FGGY: variants seen among roughly 807,000 people sequenced by gnomAD.
FGGY encodes FGGY carbohydrate kinase domain-containing protein.
A neutral mutation model predicts 71.3 loss-of-function variants in FGGY; 72 were observed. That is an observed-to-expected ratio of 1.01 (90% CI 0.84 to 1.23). The LOEUF (loss-of-function observed/expected upper bound fraction) is 1.23. Among genes scored for constraint, FGGY ranks in the 50% most tolerant of loss-of-function variants. FGGY has a pLI of 0.00. For synonymous variants in FGGY, 251 were observed against 250.3 expected, an observed-to-expected ratio of 1.00 and a Z score of -0.02; for missense variants, 668 against 682.3, an observed-to-expected ratio of 0.98 and a Z score of 0.23.
At chr1:59,401,740 A>G (rs1473022041) in intron 5 of FGGY, among the ~76,000 whole-genome samples, 3 of 152,240 alleles carry the variant, frequency 2.0e-5, no homozygotes, top group African/African-American at 7.2e-5. Context: ...AATTCCCTCA[A>G]GGAATTGATT....
chr1:59,461,640 G>A (rs1260086046), intron 6 of FGGY, among the ~76,000 whole-genome samples: 8 of 151,974 alleles, frequency 5.3e-5, no homozygotes, highest in African/African-American at 1.7e-4. Context: ...TTGAAATGAA[G>A]GAAAAAATGT....
At chr1:59,323,311 G>T (rs2046743366) in intron 2 of FGGY, among the ~76,000 whole-genome samples, 1 of 152,180 alleles carries the variant, frequency 6.6e-6, no homozygotes, top group Non-Finnish European at 1.5e-5. Flanking sequence ...TCATCTCCCA[G>T]TGGTGGCCAA....
intron 11 of FGGY, among the ~76,000 whole-genome samples, chr1:59,653,449 C>G (rs1301560056): frequency 6.6e-6 from 1 of 152,186 alleles, no homozygotes; most frequent in Non-Finnish European, 1.5e-5. Flanking sequence ...GGGATATAGT[C>G]TCGTGGTTCG....
intron 7 of FGGY, among the ~76,000 whole-genome samples, chr1:59,522,967 T>G (rs1389124979): frequency 6.6e-6 from 1 of 152,220 alleles, no homozygotes; most frequent in Non-Finnish European, 1.5e-5. Context: ...GAACTGTATC[T>G]GGTATTCTGG....
At chr1:59,498,225 A>G (rs2094109267) in intron 6 of FGGY, among the ~76,000 whole-genome samples, 2 of 150,844 alleles carry the variant, frequency 1.3e-5, no homozygotes, top group South Asian at 4.1e-4. Context: ...GTATTTTACA[A>G]ATGAGGAGAA....
chr1:59,404,174 TG>T (rs1236325894), intron 5 of FGGY, among the ~76,000 whole-genome samples: 1 of 151,816 alleles, frequency 6.6e-6, no homozygotes, highest in East Asian at 1.9e-4. Context: ...AATATACCTT[TG>T]GGAGGGGAAC....
chr1:59,385,121 T>G (rs1321470386), intron 5 of FGGY, among the ~76,000 whole-genome samples: 2 of 152,168 alleles, frequency 1.3e-5, no homozygotes, highest in Non-Finnish European at 2.9e-5. Context: ...GCAATGACAG[T>G]GTGTAAGAAC....
At chr1:59,505,476 C>G (rs1280803798) in intron 6 of FGGY, among the ~76,000 whole-genome samples, 1 of 152,178 alleles carries the variant, frequency 6.6e-6, no homozygotes, top group Non-Finnish European at 1.5e-5. Context: ...ACTCTCCCAG[C>G]CAATCTGATT....
chr1:59,444,997 A>G (rs2070887389), intron 5 of FGGY, among the ~76,000 whole-genome samples: 1 of 152,066 alleles, frequency 6.6e-6, no homozygotes, highest in African/African-American at 2.4e-5. Flanking sequence ...ATATTTCTTC[A>G]TTATACTTAC....
chr1:59,669,123 C>T (rs2097352498), intron 13 of FGGY, among the ~76,000 whole-genome samples: 1 of 152,146 alleles, frequency 6.6e-6, no homozygotes, highest in South Asian at 2.1e-4. Context: ...CTTAATCCTC[C>T]CATACCACCA....
chr1:59,535,392 A>T (rs1465163483), intron 7 of FGGY, among the ~76,000 whole-genome samples: 1 of 152,194 alleles, frequency 6.6e-6, no homozygotes, highest in Non-Finnish European at 1.5e-5. Flanking sequence ...GGGAGACTTT[A>T]ACACCTCACT....
intron 3 of FGGY, among the ~76,000 whole-genome samples, chr1:59,343,310 ATTCTC>A (rs1165785031): frequency 6.6e-6 from 1 of 152,126 alleles, no homozygotes; most frequent in Non-Finnish European, 1.5e-5. Flanking sequence ...TTTACCTCCA[ATTCTC>A]TTAAACGACA....
intron 14 of FGGY, among the ~76,000 whole-genome samples, chr1:59,721,499 C>T (rs1421281341): frequency 2.0e-5 from 3 of 151,874 alleles, no homozygotes; most frequent in South Asian, 2.1e-4. Flanking sequence ...CCACCACACC[C>T]GGCTAATTTT....
chr1:59,653,744 G>T (rs1377367391), intron 11 of FGGY, among the ~76,000 whole-genome samples: 1 of 152,204 alleles, frequency 6.6e-6, no homozygotes, highest in Admixed American at 6.5e-5. Flanking sequence ...CTGTAGACTG[G>T]AGCTGTTCCT....
At position 59,494,496 on chromosome 1, in the gene FGGY, A is replaced by G. The variant is rs11207461; in HGVS notation, c.671-17815A>G. Among the ~76,000 whole-genome samples the G allele has an allele frequency of 3.2e-3, 491 of 152,318 alleles. 12 individuals carry two copies. In the East Asian group the frequency reaches 0.049, roughly 15 times the overall value. ...GAAGGGGAAGGACAAGTGATGGGGT[A>G]AGAGGTGTAAAAAATGCAGAACCTT... On this transcript the variant is annotated intron_variant, in intron 6 of 15. Transcript: ENST00000303721.
intron 2 of FGGY, among the ~76,000 whole-genome samples, chr1:59,338,813 C>T (rs959715433): frequency 2.6e-5 from 4 of 152,116 alleles, no homozygotes; most frequent in African/African-American, 7.2e-5. Context: ...CTTACTTTTG[C>T]TAATAAGATA....
chr1:59,530,551 T>C (rs1284842239), intron 7 of FGGY, among the ~76,000 whole-genome samples: 1 of 152,228 alleles, frequency 6.6e-6, no homozygotes, highest in Non-Finnish European at 1.5e-5. Flanking sequence ...AACCTCACTT[T>C]ACCTGAGCAA....
chr1:59,439,061 T>C (rs2069164227), intron 5 of FGGY, among the ~76,000 whole-genome samples: 1 of 152,210 alleles, frequency 6.6e-6, no homozygotes, highest in Non-Finnish European at 1.5e-5. Flanking sequence ...CTGGATGTTG[T>C]CTCTTAATTC....
intron 6 of FGGY, among the ~76,000 whole-genome samples, chr1:59,479,579 A>T (rs1487243212): frequency 6.6e-6 from 1 of 152,172 alleles, no homozygotes; most frequent in Non-Finnish European, 1.5e-5. Context: ...CGGAAGTGGG[A>T]AGTTAAGGGA....
Sources: allele counts gnomAD v4.1 joint callset (sites outside exome capture counted in the v4.1 genomes callset), GRCh38; gene constraint gnomAD v4.1.1; transcripts MANE v1.5; gene names NCBI Gene and HGNC (gene_info 2026-07-23, HGNC 2026-07-21).